ARSB: variants seen among roughly 807,000 people sequenced by gnomAD.
ARSB encodes the protein arylsulfatase B.
A neutral mutation model predicts 50.9 loss-of-function variants in ARSB; 41 were observed. The observed-to-expected ratio is 0.81, with a 90% confidence interval of 0.63 to 1.04. ARSB has a LOEUF of 1.04. Among genes scored for constraint, ARSB ranks in the 50% least tolerant of loss-of-function variants. The probability of loss-of-function intolerance (pLI) is 0.00; values close to 1 mark genes in which losing one functional copy is unlikely to be tolerated. For missense variants in ARSB, 672 were observed against 693.3 expected, an observed-to-expected ratio of 0.97 and a Z score of 0.35; for synonymous variants, 269 against 284.8, an observed-to-expected ratio of 0.94 and a Z score of 0.56.
At chr5:78,811,754 A>G (rs145550525) in intron 6 of ARSB, among the ~76,000 whole-genome samples, 112 of 152,356 alleles carry the variant, frequency 7.4e-4, no homozygotes, top group Middle Eastern at 3.4e-3. Context: ...GGGTGTATCA[A>G]CATTCATAAT....
At chr5:78,917,574 A>C (rs778361057) in intron 4 of ARSB, among the ~76,000 whole-genome samples, 1 of 152,106 alleles carries the variant, frequency 6.6e-6, no homozygotes, top group Non-Finnish European at 1.5e-5. Context: ...GTGTGGTGGC[A>C]CAATCTTGGC....
At position 78,878,479 on chromosome 5, in the gene ARSB, C is replaced by T. The variant is rs373176291; in HGVS notation, c.1142+7105G>A. 8.6e-5 allele frequency among the ~76,000 whole-genome samples: 13 copies of T among 151,944 alleles called. No individual in the cohort carries two copies. The South Asian group carries it at 2.5e-3, about 29-fold the overall frequency. On this transcript the variant is annotated intron_variant, in intron 5 of 7. Transcript: ENST00000264914. ...AAGAACTTAAAACCTAAAATAGTGC[C>T]ATAAGTCAGTGAAAAGAGAAATATT...
rs903253279 is a variant in ARSB at position 78,814,043 on chromosome 5, T to C, written c.1213+25313A>G. ...AAGAATGAGCTCCAAATATGGATTT[T>C]ATGAGTAAACAAAGGTTCTGTATTG... On this transcript the variant is annotated intron_variant, in intron 6 of 7. Coordinates refer to ENST00000264914, the MANE Select transcript of ARSB (RefSeq NM_000046.5). Among the ~76,000 whole-genome samples the C allele has an allele frequency of 7.9e-5, 12 of 151,550 alleles. 1 individual carries two copies. The highest frequency in any genetic ancestry group is 2.9e-4 in the African/African-American group (12 of 41,078).
At chr5:78,937,536 G>A (rs918915497) in intron 4 of ARSB, among the ~76,000 whole-genome samples, 1 of 149,680 alleles carries the variant, frequency 6.7e-6, no homozygotes, top group Non-Finnish European at 1.5e-5. Context: ...TGAAAATCAT[G>A]ACTACTTCAT....
intron 5 of ARSB, among the ~76,000 whole-genome samples, chr5:78,879,664 G>A (rs1747651170): frequency 6.6e-6 from 1 of 152,208 alleles, no homozygotes; most frequent in Non-Finnish European, 1.5e-5. Context: ...CAGATCGGGT[G>A]TCTCTGACAT....
intron 5 of ARSB, among the ~76,000 whole-genome samples, chr5:78,873,686 G>A (rs1747344872): frequency 1.3e-5 from 2 of 150,770 alleles, no homozygotes; most frequent in East Asian, 1.9e-4. Flanking sequence ...TAGTAGAGAC[G>A]GGGTTTCACC....
chr5:78,892,070 A>G (rs1748323242), intron 4 of ARSB, among the ~76,000 whole-genome samples: 1 of 152,110 alleles, frequency 6.6e-6, no homozygotes, highest in African/African-American at 2.4e-5. Context: ...AATATTAGCT[A>G]TTTTTATGTA....
chr5:78,929,126 C>T (rs1408281733), intron 4 of ARSB, among the ~76,000 whole-genome samples: 1 of 152,170 alleles, frequency 6.6e-6, no homozygotes. Context: ...TTCTGTTCTG[C>T]CCTTAACCTG....
chr5:78,949,120 A>T (rs576563453), intron 4 of ARSB, among the ~76,000 whole-genome samples: 22 of 152,250 alleles, frequency 1.4e-4, no homozygotes, highest in Non-Finnish European at 3.2e-4. Context: ...TGGTCCCCAG[A>T]CAGCGCACTG....
Position 78,826,963 on chromosome 5 carries a change from G to A in ARSB, c.1213+12393C>T, listed in dbSNP as rs1264340047. ...TGACAGGAAGTCCCAGAGCATCCCT[G>A]GCATATCAGAAGGAAAGGGCACCTA... is the stretch of plus-strand genomic sequence containing the variant. On this transcript the variant is annotated intron_variant, in intron 6 of 7. Coordinates refer to ENST00000264914, the MANE Select transcript of ARSB (RefSeq NM_000046.5). Among the ~76,000 whole-genome samples, 7 of 152,168 alleles carry A rather than the reference G, an allele frequency of 4.6e-5. No individual in the cohort carries two copies. In the East Asian group the frequency reaches 1.4e-3, roughly 29 times the overall value.
intron 2 of ARSB, among the ~76,000 whole-genome samples, chr5:78,968,757 GA>G (rs1717617461): frequency 6.6e-6 from 1 of 152,270 alleles, no homozygotes; most frequent in African/African-American, 2.4e-5. Flanking sequence ...CTCCAACGTG[GA>G]TAGTAAACTC....
intron 4 of ARSB, among the ~76,000 whole-genome samples, chr5:78,953,715 C>T (rs537253599): frequency 1.4e-4 from 22 of 152,012 alleles, no homozygotes; most frequent in African/African-American, 4.8e-4. Flanking sequence ...AGATTTCAGC[C>T]AAGAATCTCT....
chr5:78,852,904 C>G (rs1305250254), intron 5 of ARSB, among the ~76,000 whole-genome samples: 2 of 152,230 alleles, frequency 1.3e-5, no homozygotes, highest in East Asian at 3.8e-4. Context: ...GCTTTCAGCT[C>G]CATCAGCTCC....
At chr5:78,801,427 C>G (rs773541759) in intron 6 of ARSB, among the ~76,000 whole-genome samples, 1 of 152,138 alleles carries the variant, frequency 6.6e-6, no homozygotes, top group African/African-American at 2.4e-5. Flanking sequence ...ACTGCTAGGT[C>G]TGGAATGGCA....
At chr5:78,878,781 T>C (rs765152725) in intron 5 of ARSB, among the ~76,000 whole-genome samples, 20 of 152,208 alleles carry the variant, frequency 1.3e-4, no homozygotes, top group Non-Finnish European at 1.9e-4. Flanking sequence ...TTGTCACCAC[T>C]GTCATGTTAT....
In ARSB at chr5:78,780,335, G is replaced by A. The variant is rs1748887554; in HGVS notation, c.*62C>T. 2.5e-6 allele frequency: 4 copies of A among 1,608,260 alleles called. No homozygotes were observed. In the South Asian group the frequency reaches 4.4e-5, roughly 18 times the overall value. ...GGTTGGGATAACAAATGAGACAAGA[G>A]TCGTGAGAAAAGGCCTGAGGTCCAA... On this transcript the variant is annotated 3_prime_UTR_variant, in exon 8 of 8. Coordinates refer to ENST00000264914, the MANE Select transcript of ARSB (RefSeq NM_000046.5).
intron 4 of ARSB, among the ~76,000 whole-genome samples, chr5:78,904,685 CTTTT>C (rs55920994): frequency 2.1e-4 from 21 of 98,890 alleles, no homozygotes; most frequent in Admixed American, 3.3e-4. Flanking sequence ...TTCTTTCTTT[CTTTT>C]TTTTTTTTTT....
At chr5:78,874,584 C>G (rs1581078561) in intron 5 of ARSB, among the ~76,000 whole-genome samples, 2 of 151,680 alleles carry the variant, frequency 1.3e-5, no homozygotes, top group African/African-American at 4.8e-5. Flanking sequence ...TATTAAAGAA[C>G]TACTAAATAA....
chr5:78,972,081 G>A (rs1752475397), intron 1 of ARSB, among the ~76,000 whole-genome samples: 1 of 152,318 alleles, frequency 6.6e-6, no homozygotes, highest in African/African-American at 2.4e-5. Context: ...TGAGGATCAA[G>A]TCAAAGGACA....
Sources: allele counts gnomAD v4.1 joint callset (sites outside exome capture counted in the v4.1 genomes callset), GRCh38; gene constraint gnomAD v4.1.1; transcripts MANE v1.5; gene names NCBI Gene and HGNC (gene_info 2026-07-23, HGNC 2026-07-21).